ANO4: variants seen among roughly 807,000 people sequenced by gnomAD.
ANO4 encodes the protein anoctamin 4.
A neutral mutation model predicts 141.9 loss-of-function variants in ANO4; 69 were observed. The observed-to-expected ratio is 0.49, with a 90% CI of 0.40 to 0.59. ANO4 has a LOEUF of 0.59. Among genes scored for constraint, ANO4 ranks in the 20% least tolerant of loss-of-function variants. The probability of loss-of-function intolerance (pLI) is 0.00; values close to 1 mark genes in which losing one functional copy is unlikely to be tolerated. For synonymous variants in ANO4, 350 were observed against 394.3 expected (o/e 0.89, Z 1.33); for missense variants, 894 against 1,162.2 (o/e 0.77, Z 3.36).
At chr12:100,782,659 T>G (rs1328463045) in intron 3 of ANO4, among the ~76,000 whole-genome samples, 1 of 152,218 alleles carries the variant, frequency 6.6e-6, no homozygotes, top group African/African-American at 2.4e-5. Context: ...AGCTTCAGTT[T>G]CCTTATCTGG....
At chr12:100,813,689 G>A (rs984966319) in intron 1 of ANO4, among the ~76,000 whole-genome samples, 9 of 152,248 alleles carry the variant, frequency 5.9e-5, no homozygotes, top group Admixed American at 3.9e-4. Flanking sequence ...AAAAACTAGC[G>A]ATGTAAATTT....
intron 11 of ANO4, among the ~76,000 whole-genome samples, chr12:101,040,800 G>T (rs1160593225): frequency 1.4e-5 from 2 of 142,516 alleles, no homozygotes; most frequent in East Asian, 4.1e-4. Flanking sequence ...TCCCCTCCCT[G>T]TGTCCATGTG....
intron 5 of ANO4, among the ~76,000 whole-genome samples, chr12:100,957,364 C>T (rs2043213074): frequency 6.6e-6 from 1 of 152,166 alleles, no homozygotes; most frequent in South Asian, 2.1e-4. Context: ...AGACCAAGCA[C>T]CAAGCTACCC....
At chr12:100,777,452 T>C in intron 3 of ANO4, among the ~76,000 whole-genome samples, 1 of 151,770 alleles carries the variant, frequency 6.6e-6, no homozygotes. Flanking sequence ...TTTCATTTTT[T>C]ATACTGTTTG....
At chr12:100,775,732 A>C (rs917520666) in intron 3 of ANO4, among the ~76,000 whole-genome samples, 1 of 152,236 alleles carries the variant, frequency 6.6e-6, no homozygotes, top group African/African-American at 2.4e-5. Flanking sequence ...GCTTATTAGC[A>C]GCCACTCCAA....
At chr12:100,733,162 C>T (rs766067133) in intron 1 of ANO4, among the ~76,000 whole-genome samples, 25 of 152,194 alleles carry the variant, frequency 1.6e-4, no homozygotes, top group Non-Finnish European at 3.5e-4. Context: ...ATCCTGCTTT[C>T]TAGGCAGAAG....
At chr12:100,792,572 T>A (rs1593340181), upstream of ANO4, among the ~76,000 whole-genome samples, 1 of 152,238 alleles carries the variant, frequency 6.6e-6, no homozygotes, top group Admixed American at 6.5e-5. Context: ...GTCATTTTTT[T>A]AGTAGAGAGG....
At chr12:101,044,663 C>G (rs2047551451) in intron 13 of ANO4, among the ~76,000 whole-genome samples, 1 of 152,184 alleles carries the variant, frequency 6.6e-6, no homozygotes, top group Admixed American at 6.5e-5. Flanking sequence ...AACCCAGGAT[C>G]CCGCCTATCT....
intron 3 of ANO4, among the ~76,000 whole-genome samples, chr12:100,772,306 C>G (rs748845412): frequency 1.3e-5 from 2 of 152,132 alleles, no homozygotes; most frequent in East Asian, 3.9e-4. Context: ...TTTAGAAGAT[C>G]GAAAGGGCGT....
chr12:100,865,688 G>A (rs2038718793), intron 1 of ANO4, among the ~76,000 whole-genome samples: 1 of 152,162 alleles, frequency 6.6e-6, no homozygotes, highest in Non-Finnish European at 1.5e-5. Flanking sequence ...TGTTGATGCT[G>A]TATAAATCCA....
chr12:100,946,298 T>C (rs1002415012), intron 5 of ANO4, among the ~76,000 whole-genome samples: 18 of 152,124 alleles, frequency 1.2e-4, no homozygotes, highest in Admixed American at 3.9e-4. Flanking sequence ...AAATATAAGA[T>C]CTGTTTTCTG....
intron 22 of ANO4, among the ~76,000 whole-genome samples, chr12:101,105,559 G>A (rs2050407195): frequency 6.6e-6 from 1 of 152,150 alleles, no homozygotes; most frequent in Non-Finnish European, 1.5e-5. Flanking sequence ...TACATGTGTG[G>A]CATACAATAA....
intron 2 of ANO4, among the ~76,000 whole-genome samples, chr12:100,910,129 C>T (rs538057817): frequency 6.6e-6 from 1 of 152,296 alleles, no homozygotes; most frequent in South Asian, 2.1e-4. Context: ...GGCAATCCTA[C>T]ATAGCCTTGT....
At chr12:100,948,615 T>A (rs2042841442) in intron 5 of ANO4, among the ~76,000 whole-genome samples, 1 of 152,098 alleles carries the variant, frequency 6.6e-6, no homozygotes, top group African/African-American at 2.4e-5. Flanking sequence ...AAAAAGGGAG[T>A]TATTTAAAGA....
chr12:101,046,826 C>T (rs2047651751), intron 13 of ANO4, among the ~76,000 whole-genome samples: 2 of 152,198 alleles, frequency 1.3e-5, no homozygotes, highest in African/African-American at 4.8e-5. Context: ...CCCTTGGGAC[C>T]AGCAGGAGTT....
chr12:101,123,397 T>A (rs2051174661), intron 26 of ANO4, among the ~76,000 whole-genome samples: 1 of 152,182 alleles, frequency 6.6e-6, no homozygotes, highest in Admixed American at 6.5e-5. Flanking sequence ...GGTCATCTGC[T>A]GCACAGATCA....
intron 14 of ANO4, among the ~76,000 whole-genome samples, chr12:101,062,476 G>T (rs1566193313): frequency 1.1e-4 from 17 of 152,180 alleles, no homozygotes. Flanking sequence ...TGCTGAAGCT[G>T]CCCCGACAGC....
At chr12:100,834,215 A>G in intron 1 of ANO4, among the ~76,000 whole-genome samples, 1 of 152,154 alleles carries the variant, frequency 6.6e-6, no homozygotes, top group Non-Finnish European at 1.5e-5. Flanking sequence ...GGGTGCAAAT[A>G]AGAAGAGACT....
At chr12:100,834,299 G>T (rs1487349352) in intron 1 of ANO4, among the ~76,000 whole-genome samples, 1 of 152,098 alleles carries the variant, frequency 6.6e-6, no homozygotes, top group Admixed American at 6.6e-5. Context: ...CCTAGTACGA[G>T]GCCAGGCACC....
Sources: gnomAD v4.1 joint callset for allele counts (sites outside exome capture counted in the v4.1 genomes callset) on GRCh38, gnomAD v4.1.1 for gene constraint, MANE v1.5 for transcripts, NCBI Gene and HGNC (gene_info 2026-07-23, HGNC 2026-07-21) for gene names.